CFAP221: variants seen among roughly 807,000 people sequenced by gnomAD.
CFAP221 encodes the protein cilia- and flagella-associated protein 221.
Under a neutral mutation model 113.1 loss-of-function variants are expected in CFAP221, and 97 were observed. That is an observed-to-expected ratio of 0.86 (90% CI 0.73 to 1.02). The LOEUF is 1.02. Among genes scored for constraint, CFAP221 ranks in the 50% least tolerant of loss-of-function variants. CFAP221 has a pLI of 0.00. For missense variants in CFAP221, 1,025 were observed against 1,013.4 expected (o/e 1.01, Z -0.16); for synonymous variants, 331 against 354.4 (o/e 0.93, Z 0.74).
intron 19 of CFAP221, among the ~76,000 whole-genome samples, chr2:119,632,410 A>G (rs1024962734): frequency 3.9e-5 from 6 of 152,202 alleles, no homozygotes; most frequent in African/African-American, 1.4e-4. Context: ...AAACATCTCA[A>G]TAGTAACAGA....
intron 8 of CFAP221, 93 bp from the exon 9 acceptor site, chr2:119,604,579 T>G (rs1684592880): frequency 8.1e-7 from 1 of 1,231,662 alleles, no homozygotes; most frequent in Admixed American, 3.5e-5. Context: ...AATAAGGGAC[T>G]TCAAGTTGTG....
intron 14 of CFAP221, among the ~76,000 whole-genome samples, chr2:119,621,850 A>G (rs1180130571): frequency 6.6e-6 from 1 of 152,242 alleles, no homozygotes; most frequent in Non-Finnish European, 1.5e-5. Context: ...GAGAACAAAG[A>G]CACAACATAC....
At chr2:119,600,183 C>T (rs1048901017) in intron 7 of CFAP221, among the ~76,000 whole-genome samples, 1 of 152,140 alleles carries the variant, frequency 6.6e-6, no homozygotes, top group African/African-American at 2.4e-5. Context: ...TAACATTGAT[C>T]CTCCCTTTCT....
intron 3 of CFAP221, among the ~76,000 whole-genome samples, chr2:119,558,834 CA>C: frequency 1.3e-5 from 2 of 152,044 alleles, no homozygotes; most frequent in South Asian, 4.2e-4. Context: ...AAATAAAAAA[CA>C]AAAAACCAAC....
intron 8 of CFAP221, among the ~76,000 whole-genome samples, chr2:119,602,958 T>G (rs1684468567): frequency 6.6e-6 from 1 of 152,206 alleles, no homozygotes; most frequent in Non-Finnish European, 1.5e-5. Flanking sequence ...TGTTAGTATC[T>G]TATCTGGTAT....
At chr2:119,554,790 G>T (rs897160202) in intron 3 of CFAP221, among the ~76,000 whole-genome samples, 1 of 152,148 alleles carries the variant, frequency 6.6e-6, no homozygotes, top group Non-Finnish European at 1.5e-5. Flanking sequence ...GTAAATGCAT[G>T]ACCAAGATGC....
At chr2:119,578,511 A>G (rs1441298002) in intron 6 of CFAP221, among the ~76,000 whole-genome samples, 2 of 152,234 alleles carry the variant, frequency 1.3e-5, no homozygotes, top group Non-Finnish European at 2.9e-5. Context: ...GTCCTACTAA[A>G]TTGACTTAAC....
At chr2:119,630,079 A>G (rs1243621951) in intron 17 of CFAP221, 124 bp downstream of exon 17, 2 of 819,440 alleles carry the variant, frequency 2.4e-6, no homozygotes, top group Non-Finnish European at 3.8e-6. Context: ...GGCACACTCT[A>G]CTGTTTTTGG....
intron 6 of CFAP221, among the ~76,000 whole-genome samples, chr2:119,563,012 G>A (rs1681365215): frequency 6.6e-6 from 1 of 152,180 alleles, no homozygotes; most frequent in South Asian, 2.1e-4. Context: ...AAGTTAGCCA[G>A]GTATGGTGAT....
At chr2:119,602,876 T>G in intron 8 of CFAP221, 2 of 696,550 alleles carry the variant, frequency 2.9e-6, no homozygotes, top group Non-Finnish European at 3.5e-6. Context: ...TGGCTGTGCT[T>G]TTACATGCAC....
intron 14 of CFAP221, among the ~76,000 whole-genome samples, chr2:119,622,869 C>CA (rs1208673782): frequency 2.0e-5 from 3 of 152,116 alleles, no homozygotes; most frequent in Non-Finnish European, 4.4e-5. Context: ...GAACGTATCT[C>CA]AAAATAATAA....
In CFAP221 at chr2:119,630,600, C is replaced by G. The variant is rs1209395961; in HGVS notation, c.1762C>G (p.Gln588Glu). 2.5e-6 allele frequency: 4 copies of G among 1,613,314 alleles called. No individual in the cohort carries two copies. The African/African-American group carries it at 5.3e-5, about 22-fold the overall frequency. ...VPQLYKIKRY[Q>E]PFSVHKSSTS... ...TCAACTGTACAAAATTAAGAGATAT[C>G]AGCCATTCTCTGTCCACAAGTCTTC... The change falls in exon 18 of 24, where the codon CAG (glutamine) becomes GAG (glutamate). Residue 588 changes from glutamine to glutamate, a missense_variant. Gln to Glu is a conservative substitution (Grantham distance 29). Coordinates refer to ENST00000413369, the MANE Select transcript of CFAP221 (RefSeq NM_001271049.2).
At chr2:119,611,053 G>A (rs1685116090) in intron 12 of CFAP221, among the ~76,000 whole-genome samples, 1 of 152,040 alleles carries the variant, frequency 6.6e-6, no homozygotes, top group Admixed American at 6.6e-5. Flanking sequence ...GGAACCGCAG[G>A]TTGCTTTCCA....
rs1262362212 is a variant in CFAP221 at position 119,647,052 on chromosome 2, TA to T, written c.2318+3del. The T allele has an allele frequency of 5.5e-6, 8 of 1,444,700 alleles. No individual in the cohort carries two copies. The highest frequency in any genetic ancestry group is 6.4e-6 in the Non-Finnish European group (7 of 1,100,694). The allele number at this position is 1,444,700 out of a possible 1,614,324, so 89.5% of individuals were successfully genotyped here. On this transcript the variant is annotated splice_donor_region_variant and intron_variant, in intron 22 of 23. Transcript: ENST00000413369. ...GGACAGACTAGAAACAGTAGAACGG[TA>T]TTTTTTTTTTTTTTAATCTTTGGCC...
chr2:119,605,017 C>G, intron 10 of CFAP221, 30 bp downstream of exon 10: 1 of 1,594,074 alleles, frequency 6.3e-7, no homozygotes, highest in Non-Finnish European at 8.6e-7. Flanking sequence ...TAAAGCAGCC[C>G]CTGAGCAGAA....
intron 12 of CFAP221, among the ~76,000 whole-genome samples, chr2:119,610,371 CAA>C (rs1380151365): frequency 6.6e-6 from 1 of 152,086 alleles, no homozygotes; most frequent in Non-Finnish European, 1.5e-5. Flanking sequence ...GTGGTGGAAA[CAA>C]AGAGGAGAAA....
At chr2:119,551,862 A>G (rs778532067) in intron 3 of CFAP221, among the ~76,000 whole-genome samples, 1 of 152,216 alleles carries the variant, frequency 6.6e-6, no homozygotes. Flanking sequence ...TAAGAATATT[A>G]AGTCACAATT....
chr2:119,628,744 C>A (rs1686551431), intron 16 of CFAP221, among the ~76,000 whole-genome samples: 1 of 152,166 alleles, frequency 6.6e-6, no homozygotes, highest in Admixed American at 6.5e-5. Flanking sequence ...TTTAGAAATT[C>A]CACATGTTTT....
intron 14 of CFAP221, among the ~76,000 whole-genome samples, chr2:119,624,455 A>C (rs1023074568): frequency 6.6e-6 from 1 of 152,234 alleles, no homozygotes; most frequent in African/African-American, 2.4e-5. Context: ...TGTGGAAGAC[A>C]GTGTGGCAAT....
Sources: gnomAD v4.1 joint callset for allele counts (sites outside exome capture counted in the v4.1 genomes callset) on GRCh38, gnomAD v4.1.1 for gene constraint, MANE v1.5 for transcripts, NCBI Gene and HGNC (gene_info 2026-07-23, HGNC 2026-07-21) for gene names.